FOXP1: variants seen among roughly 807,000 people sequenced by gnomAD.
FOXP1 encodes the protein forkhead box protein P1.
A neutral mutation model predicts 98.2 loss-of-function variants in FOXP1; 15 were observed. The ratio of observed to expected loss-of-function variants is 0.15; its 90% confidence interval spans 0.10 to 0.24. The LOEUF is 0.24. Among genes scored for constraint, FOXP1 ranks in the 10% least tolerant of loss-of-function variants. FOXP1 has a pLI of 1.00. For synonymous variants in FOXP1, 371 were observed against 314.5 expected, an observed-to-expected ratio of 1.18 and a Z score of -1.90; for missense variants, 633 against 848.5, an observed-to-expected ratio of 0.75 and a Z score of 3.15.
At chr3:71,089,413 C>G (rs1181060790) in intron 7 of FOXP1, among the ~76,000 whole-genome samples, 1 of 152,176 alleles carries the variant, frequency 6.6e-6, no homozygotes, top group African/African-American at 2.4e-5. Context: ...ATTTTGACTG[C>G]AATCTCATGA....
intron 2 of FOXP1, among the ~76,000 whole-genome samples, chr3:71,518,100 A>G (rs1415486661): frequency 1.3e-5 from 2 of 151,928 alleles, no homozygotes; most frequent in East Asian, 3.9e-4. Flanking sequence ...ACCATAGAAA[A>G]TCTTGCTGGA....
chr3:71,265,263 C>T (rs183888782), intron 5 of FOXP1, among the ~76,000 whole-genome samples: 11 of 152,272 alleles, frequency 7.2e-5, no homozygotes, highest in Admixed American at 7.2e-4. Flanking sequence ...GTTCTAGGCA[C>T]CTCCCACAAC....
At chr3:71,161,401 G>A (rs1004888521) in intron 6 of FOXP1, among the ~76,000 whole-genome samples, 1 of 151,936 alleles carries the variant, frequency 6.6e-6, no homozygotes, top group African/African-American at 2.4e-5. Flanking sequence ...CTCTCTCCAC[G>A]TGACCTCTCA....
At chr3:70,971,539 A>G (rs945298687) in intron 18 of FOXP1, 1 of 154,264 alleles carries the variant, frequency 6.5e-6, no homozygotes, top group Non-Finnish European at 1.4e-5. Context: ...TACATTTATC[A>G]GTGGTCTTTA....
rs1290771840 is a variant in FOXP1 at position 71,190,655 on chromosome 3, A to AG, written c.180+7546_180+7547insC. 3.7e-3 allele frequency among the ~76,000 whole-genome samples: 558 copies of AG among 151,470 alleles called. 7 individuals are homozygous for AG. The highest frequency in any genetic ancestry group is 0.013 in the African/African-American group (527 of 41,204). Reference sequence around the variant, plus strand: ...CCCATCTCCAAAAAAAAAAAAAAAAAAAAAAAGAAAAAGTTAAATGAAAAT... The same window carrying AG: ...CCCATCTCCAAAAAAAAAAAAAAAAAGAAAAAAGAAAAAGTTAAATGAAAAT... On this transcript the variant is annotated intron_variant, in intron 6 of 20. Transcript: ENST00000649528.
At chr3:71,493,194 T>C (rs1349119293) in intron 3 of FOXP1, among the ~76,000 whole-genome samples, 2 of 152,074 alleles carry the variant, frequency 1.3e-5, no homozygotes, top group East Asian at 3.9e-4. Context: ...TCCTTCAGAG[T>C]ATGATTAAAA....
At chr3:71,450,490 C>T (rs1024199953) in intron 3 of FOXP1, among the ~76,000 whole-genome samples, 1 of 152,196 alleles carries the variant, frequency 6.6e-6, no homozygotes, top group Non-Finnish European at 1.5e-5. Flanking sequence ...ATTTTGTATG[C>T]ATTACCAAGC....
At chr3:71,362,585 T>TCAG (rs969202656) in intron 3 of FOXP1, among the ~76,000 whole-genome samples, 2 of 152,196 alleles carry the variant, frequency 1.3e-5, no homozygotes, top group Non-Finnish European at 2.9e-5. Flanking sequence ...TCCTCCCACC[T>TCAG]CAGCCTCCCA....
chr3:71,197,533 T>A (rs2063367767), intron 6 of FOXP1, among the ~76,000 whole-genome samples: 1 of 152,174 alleles, frequency 6.6e-6, no homozygotes, highest in Admixed American at 6.5e-5. Context: ...CAGGAATGAG[T>A]ACATCCCAAC....
Position 71,568,070 on chromosome 3 carries a change from G to C in FOXP1, c.-298+13479C>G, listed in dbSNP as rs1190594006. On this transcript the variant is annotated intron_variant, in intron 2 of 20. Transcript: ENST00000649528. ...AGGGGAGGGGAGGGGAAGAGGGGGG[G>C]AGGAGAGGGGAGGGGAAATTAAAAA... 6.1e-5 allele frequency: 7 copies of C among 114,486 alleles called. No homozygotes were observed. In the East Asian group the frequency reaches 1.7e-3, roughly 28 times the overall value. 7.1% of individuals were successfully genotyped at this position (114,486 alleles called of 1,614,324 possible). A position where few individuals can be genotyped will look rare whatever the true frequency, so the allele number is the denominator to read the frequency against.
At chr3:71,075,648 T>C (rs1576605966) in intron 7 of FOXP1, among the ~76,000 whole-genome samples, 1 of 152,130 alleles carries the variant, frequency 6.6e-6, no homozygotes. Context: ...GTTCATCACT[T>C]GCATGTGGTG....
At chr3:71,286,279 G>A (rs2072118345) in intron 5 of FOXP1, among the ~76,000 whole-genome samples, 1 of 152,018 alleles carries the variant, frequency 6.6e-6, no homozygotes, top group African/African-American at 2.4e-5. Context: ...AATTAGATGG[G>A]ATATCTACCA....
chr3:71,190,403 GAGTTCA>G (rs2062891552), intron 6 of FOXP1, among the ~76,000 whole-genome samples: 1 of 151,660 alleles, frequency 6.6e-6, no homozygotes, highest in Admixed American at 6.6e-5. Flanking sequence ...TTGAGCCCAG[GAGTTCA>G]AGACCAGCCT....
intron 3 of FOXP1, among the ~76,000 whole-genome samples, chr3:71,460,468 A>T (rs1009763169): frequency 6.7e-6 from 1 of 150,064 alleles, no homozygotes; most frequent in African/African-American, 2.5e-5. Flanking sequence ...ACAGAGTCTC[A>T]CTCTGTCGCC....
intron 6 of FOXP1, among the ~76,000 whole-genome samples, chr3:71,141,905 C>T (rs898846013): frequency 2.0e-4 from 31 of 152,142 alleles, no homozygotes; most frequent in Non-Finnish European, 1.3e-4. Context: ...AATCAAATAG[C>T]CAAGGAGCAG....
chr3:71,052,539 C>G lies in FOXP1; in HGVS notation c.508G>C (p.Glu170Gln), dbSNP rs2050050950. 1 of 1,232,878 alleles carries G rather than the reference C, an allele frequency of 8.1e-7. No individual in the cohort carries two copies. The highest frequency in any genetic ancestry group is 1.2e-6 in the Non-Finnish European group (1 of 831,434). 76.4% of individuals were successfully genotyped at this position (1,232,878 alleles called of 1,614,324 possible). Residue 170 changes from glutamate (E) to glutamine (Q), a missense_variant and splice_region_variant, in exon 9 of 21, where the codon GAG becomes CAG. By Grantham distance (29) the Glu-to-Gln change is conservative. Coordinates refer to ENST00000649528, the MANE Select transcript of FOXP1 (RefSeq NM_001349338.3). ...QQQHAGKQPK[E>Q]QQQVATQQLA... is the part of the protein sequence containing the mutation. ...AGTAAAATATGTATTGTCGGTACCT[C>G]TTTAGGCTGTTTTCCAGCATGTTGT...
rs75530681 is a variant in FOXP1 at position 71,106,134 on chromosome 3, A to G, written c.282+6402T>C. On this transcript the variant is annotated intron_variant, in intron 7 of 20. Coordinates refer to ENST00000649528, the MANE Select transcript of FOXP1 (RefSeq NM_001349338.3). ...TGTTTCCATCTTCCTCATCCATTAA[A>G]TGATTTAAGGACACTGCCTATACTA... Among the ~76,000 whole-genome samples, 131 of 152,290 alleles carry G rather than the reference A, an allele frequency of 8.6e-4. 5 individuals carry two copies. In the East Asian group the frequency reaches 0.025, roughly 29 times the overall value.
chr3:70,956,598 T>C lies in FOXP1; in HGVS notation c.*2649A>G. The C allele has an allele frequency of 4.3e-6, 1 of 230,836 alleles. No individual in the cohort carries two copies. The allele number at this position is 230,836 out of a possible 1,614,324, so 14.3% of individuals were successfully genotyped here. A position where few individuals can be genotyped will look rare whatever the true frequency, so the allele number is the denominator to read the frequency against. On this transcript the variant is annotated 3_prime_UTR_variant, in exon 21 of 21. Coordinates refer to ENST00000649528, the MANE Select transcript of FOXP1 (RefSeq NM_001349338.3). The stretch of plus-strand genomic sequence containing the variant: ...CATGTCTAGCTACACATGCTGAGAA[T>C]GAACTAATCTACCAGATTTTTATCC...
chr3:71,182,043 G>A (rs4677595), intron 6 of FOXP1, among the ~76,000 whole-genome samples: 63,595 of 139,124 alleles, frequency 0.46, 15,611 homozygotes, highest in African/African-American at 0.61. Context: ...TCAAAAAAAA[G>A]AAAAAAAAGA....
Sources: gnomAD v4.1 joint callset for allele counts (sites outside exome capture counted in the v4.1 genomes callset) on GRCh38, gnomAD v4.1.1 for gene constraint, MANE v1.5 for transcripts, NCBI Gene and HGNC (gene_info 2026-07-23, HGNC 2026-07-21) for gene names.